Variants in DNAH8 observed in about 807,000 individuals in gnomAD.
The protein encoded by DNAH8 is dynein axonemal heavy chain 8.
In DNAH8, 382 loss-of-function variants were observed where a neutral mutation model predicts 562.1. That is an observed-to-expected ratio of 0.68 (90% CI 0.63 to 0.74). The LOEUF is 0.74. Among genes scored for constraint, DNAH8 ranks in the 30% least tolerant of loss-of-function variants. The probability of loss-of-function intolerance (pLI) is 0.00; values close to 1 mark genes in which losing one functional copy is unlikely to be tolerated. For synonymous variants in DNAH8, 1,881 were observed against 1,919.4 expected (o/e 0.98, Z 0.52); for missense variants, 5,203 against 5,620.4 (o/e 0.93, Z 2.37).
chr6:38,818,332 T>C (rs1246720026), intron 26 of DNAH8, among the ~76,000 whole-genome samples: 1 of 151,994 alleles, frequency 6.6e-6, no homozygotes, highest in Admixed American at 6.6e-5. Flanking sequence ...CATAAAACTA[T>C]AAATTGTTAG....
chr6:38,873,505 G>T, intron 52 of DNAH8, 129 bp downstream of exon 52: 1 of 778,384 alleles, frequency 1.3e-6, no homozygotes, highest in East Asian at 2.9e-5. Flanking sequence ...GGCTGTAAAA[G>T]CTCTGATAAT....
intron 86 of DNAH8, among the ~76,000 whole-genome samples, chr6:38,983,211 T>C (rs536876361): frequency 1.8e-4 from 28 of 152,284 alleles, no homozygotes; most frequent in Admixed American, 1.5e-3. Context: ...GAGGAACGAA[T>C]GAGTTAGTAT....
chr6:38,717,362 CA>C (rs1762417397), intron 1 of DNAH8, among the ~76,000 whole-genome samples: 1 of 152,126 alleles, frequency 6.6e-6, no homozygotes, highest in South Asian at 2.1e-4. Context: ...CTCACTCTGT[CA>C]CCCAGACTGG....
At chr6:38,780,090 A>G (rs138627249) in intron 15 of DNAH8, 25 bp downstream of exon 15, 21 of 1,600,620 alleles carry the variant, frequency 1.3e-5, no homozygotes, top group Admixed American at 1.2e-4. Flanking sequence ...TATAAATAAA[A>G]TGGTACATTA....
chr6:38,770,289 T>TAA (rs34738478), intron 11 of DNAH8, 124 bp from the exon 12 acceptor site: 11,020 of 462,610 alleles, frequency 0.024, 1 homozygote, highest in South Asian at 0.033. Context: ...ATGGTATAAA[T>TAA]AAAAAAAAAC....
At chr6:38,909,056 T>C (rs1780688681) in intron 64 of DNAH8, among the ~76,000 whole-genome samples, 1 of 152,196 alleles carries the variant, frequency 6.6e-6, no homozygotes, top group Admixed American at 6.5e-5. Context: ...TAGAATTTTG[T>C]CTCTGTACTT....
In DNAH8 at chr6:38,737,892, G is replaced by A. The variant is rs143368533; in HGVS notation, c.1036G>A (p.Val346Ile). 6 of 1,604,866 alleles carry A rather than the reference G, an allele frequency of 3.7e-6. No homozygotes were observed. Among genetic ancestry groups the A allele is most frequent in the Non-Finnish European group, 5.1e-6 (6 of 1,176,652 alleles). Residue 346 changes from valine to isoleucine, a missense_variant, in exon 7 of 93, where the codon GTA becomes ATA. Physicochemically the swap from Val to Ile is conservative, Grantham distance 29. Around this residue, in one of 6 missense-constraint regions of DNAH8, gnomAD observed 556 missense variants for 496.9 expected, o/e 1.12. Transcript: ENST00000327475. Reference sequence around the variant, plus strand: ...TTCCAAACTGCACACCTTTGAAGAAGTAACTGCTGCAGCCAGCAACTCAGA... The same window carrying A: ...TTCCAAACTGCACACCTTTGAAGAAATAACTGCTGCAGCCAGCAACTCAGA... Reference protein sequence around the residue: ...NFSKLHTFEEVTAAASNSETV... With the variant: ...NFSKLHTFEEITAAASNSETV...
intron 8 of DNAH8, chr6:38,744,316 C>T (rs1764751646): frequency 6.6e-6 from 1 of 151,960 alleles, no homozygotes; most frequent in Non-Finnish European, 1.5e-5. Context: ...TTGTGCTGAT[C>T]AATAGTGGGA....
chr6:38,779,303 G>C (rs928285970), intron 14 of DNAH8, among the ~76,000 whole-genome samples: 1 of 152,110 alleles, frequency 6.6e-6, no homozygotes, highest in Non-Finnish European at 1.5e-5. Context: ...ACATAATTTT[G>C]ACATGTGACA....
In DNAH8 at chr6:38,842,777, C is replaced by A; in HGVS notation, c.4719C>A (p.Ala1573=). The A allele has an allele frequency of 1.9e-6, 3 of 1,613,880 alleles. No individual in the cohort carries two copies. Among genetic ancestry groups the A allele is most frequent in the Non-Finnish European group, 2.5e-6 (3 of 1,179,906 alleles). ...TACTGGAAATGATGACCAATAAGGCCATGAAACAGAGACACTGGGATAGAA... is the reference window on the plus strand; with the variant it reads ...TACTGGAAATGATGACCAATAAGGCAATGAAACAGAGACACTGGGATAGAA... ...CPLLEMMTNK[A]MKQRHWDRIS... is the part of the protein sequence containing the mutation. The change falls in exon 35 of 93, where the codon GCC becomes GCA. Residue 1573 remains alanine (A), a synonymous_variant. Coordinates refer to ENST00000327475, the MANE Select transcript of DNAH8 (RefSeq NM_001206927.2).
At chr6:38,765,810 T>C (rs964533242) in intron 11 of DNAH8, among the ~76,000 whole-genome samples, 1 of 152,202 alleles carries the variant, frequency 6.6e-6, no homozygotes, top group African/African-American at 2.4e-5. Flanking sequence ...GAATGCCTAC[T>C]ACAGAAAAAG....
chr6:38,974,579 T>C, intron 85 of DNAH8, 50 bp downstream of exon 85: 1 of 1,509,378 alleles, frequency 6.6e-7, no homozygotes, highest in South Asian at 1.2e-5. Flanking sequence ...AGTGGTGTGC[T>C]GAGGCCCCAT....
chr6:38,993,021 G>C (rs1430952725), intron 88 of DNAH8, among the ~76,000 whole-genome samples: 3 of 152,030 alleles, frequency 2.0e-5, no homozygotes, highest in African/African-American at 7.2e-5. Context: ...ATATTTCTCT[G>C]TGTGTGTGTT....
At chr6:38,962,662 A>C (rs1762676604) in intron 82 of DNAH8, among the ~76,000 whole-genome samples, 1 of 152,198 alleles carries the variant, frequency 6.6e-6, no homozygotes, top group African/African-American at 2.4e-5. Context: ...TAAACTATAA[A>C]ACAAGAAAAA....
At chr6:38,975,833 A>G (rs1235336776) in intron 85 of DNAH8, among the ~76,000 whole-genome samples, 1 of 152,154 alleles carries the variant, frequency 6.6e-6, no homozygotes, top group Non-Finnish European at 1.5e-5. Context: ...ATATTTTATG[A>G]TTGTGTTCCC....
intron 88 of DNAH8, among the ~76,000 whole-genome samples, chr6:38,995,720 C>A (rs890210855): frequency 2.6e-5 from 4 of 152,196 alleles, no homozygotes; most frequent in Admixed American, 6.5e-5. Context: ...TTCTTCCTTA[C>A]CCTATACTGA....
intron 49 of DNAH8, 36 bp from the exon 50 acceptor site, chr6:38,872,500 A>G: frequency 6.3e-7 from 1 of 1,598,930 alleles, no homozygotes. Flanking sequence ...AGAGACTCAT[A>G]AATTACATAT....
At chr6:38,852,282 T>G (rs16891131) in intron 39 of DNAH8, among the ~76,000 whole-genome samples, 2,321 of 152,266 alleles carry the variant, frequency 0.015, 96 homozygotes, top group East Asian at 0.15. Flanking sequence ...TAATGTAGTT[T>G]CCTTGTTGGT....
chr6:38,898,389 T>G lies in DNAH8; in HGVS notation c.9063+9T>G, dbSNP rs377327365. The G allele has an allele frequency of 5.2e-6, 8 of 1,547,616 alleles. No individual in the cohort carries two copies. In the African/African-American group the frequency reaches 8.5e-5, roughly 16 times the overall value. ...TGACTCATCTTATTAAGGTCCTAAC[T>G]ATTGCCTATTTACTGATATAAATAG... On this transcript the variant is annotated intron_variant, in intron 61 of 92. Transcript: ENST00000327475.
Sources: allele counts gnomAD v4.1 joint callset (sites outside exome capture counted in the v4.1 genomes callset), GRCh38; gene constraint gnomAD v4.1.1; regional missense constraint gnomAD v4.1.1; transcripts MANE v1.5; gene names NCBI Gene and HGNC (gene_info 2026-07-23, HGNC 2026-07-21).